Variants in BCAR3 observed in about 807,000 individuals in gnomAD.
BCAR3 encodes the protein breast cancer anti-estrogen resistance protein 3.
BCAR3 carries 37 observed loss-of-function variants against 80.1 expected under a neutral mutation model. The observed-to-expected ratio is 0.46, with a 90% CI of 0.36 to 0.61. The LOEUF is 0.61. Among genes scored for constraint, BCAR3 ranks in the 20% least tolerant of loss-of-function variants. The probability of loss-of-function intolerance (pLI) is 0.00; values close to 1 mark genes in which losing one functional copy is unlikely to be tolerated. For synonymous variants in BCAR3, 389 were observed against 418.9 expected (o/e 0.93, Z 0.87); for missense variants, 978 against 1,068.2 (o/e 0.92, Z 1.18).
intron 2 of BCAR3, among the ~76,000 whole-genome samples, chr1:93,804,343 TA>T (rs1388539890): frequency 6.6e-6 from 1 of 152,202 alleles, no homozygotes; most frequent in Non-Finnish European, 1.5e-5. Flanking sequence ...ATACCTATGA[TA>T]AAGTTTAATT....
chr1:93,599,571 A>G (rs1674553607), intron 3 of BCAR3: 1 of 120,810 alleles, frequency 8.3e-6, no homozygotes, highest in African/African-American at 6.1e-5. Flanking sequence ...AGATACTTTT[A>G]GAGAGATCTG....
intron 2 of BCAR3, among the ~76,000 whole-genome samples, chr1:93,744,665 G>A (rs1028163178): frequency 2.6e-5 from 4 of 152,118 alleles, no homozygotes; most frequent in Non-Finnish European, 5.9e-5. Flanking sequence ...CTGTACTGTC[G>A]ATCATAAAGG....
rs1648400620 is a variant in BCAR3, at chr1:93,674,897, T to A, written c.34A>T (p.Asn12Tyr). ...GGGAACTGGTGATTCACCGGCATGT[T>A]TCTGGGAAGGCTTGCAAATTTTCCT... Reference protein sequence around the residue: ...AAGKFASLPRNMPVNHQFPLA... With the variant: ...AAGKFASLPRYMPVNHQFPLA... The change falls in exon 2 of 12, where the codon AAC (asparagine) becomes TAC (tyrosine). Residue 12 changes from asparagine to tyrosine, a missense_variant. Asn to Tyr is a moderately radical substitution (Grantham distance 143). Coordinates refer to ENST00000260502, the MANE Select transcript of BCAR3 (RefSeq NM_003567.4). 1.9e-6 allele frequency: 3 copies of A among 1,566,074 alleles called. No homozygotes were observed. Among genetic ancestry groups the A allele is most frequent in the Non-Finnish European group, 1.7e-6 (2 of 1,163,380 alleles).
chr1:93,604,078 T>C (rs1023771788), intron 3 of BCAR3, among the ~76,000 whole-genome samples: 2 of 152,264 alleles, frequency 1.3e-5, no homozygotes, highest in African/African-American at 2.4e-5. Flanking sequence ...TGGGTTTTGA[T>C]GCCATTTTTC....
At chr1:93,811,265 G>C (rs1318558894) in intron 2 of BCAR3, among the ~76,000 whole-genome samples, 2 of 152,170 alleles carry the variant, frequency 1.3e-5, no homozygotes, top group Non-Finnish European at 2.9e-5. Flanking sequence ...GTTTCTATGG[G>C]ACAGATACAG....
At chr1:93,711,483 G>A (rs1369886442) in intron 2 of BCAR3, among the ~76,000 whole-genome samples, 1 of 152,160 alleles carries the variant, frequency 6.6e-6, no homozygotes, top group Non-Finnish European at 1.5e-5. Context: ...GGCCTCTTAA[G>A]GGCAAGATTT....
At chr1:93,717,421 G>A (rs747054838) in intron 2 of BCAR3, among the ~76,000 whole-genome samples, 10 of 152,212 alleles carry the variant, frequency 6.6e-5, no homozygotes, top group African/African-American at 9.7e-5. Flanking sequence ...GGGCTACATG[G>A]AAGTAAGAAT....
At chr1:93,627,913 C>T (rs1288884905) in intron 3 of BCAR3, among the ~76,000 whole-genome samples, 1 of 151,948 alleles carries the variant, frequency 6.6e-6, no homozygotes, top group Non-Finnish European at 1.5e-5. Context: ...ATGGAGTAGA[C>T]TAAGGGATAT....
chr1:93,839,122 C>T (rs1259726115), intron 2 of BCAR3, among the ~76,000 whole-genome samples: 1 of 152,096 alleles, frequency 6.6e-6, no homozygotes, highest in East Asian at 1.9e-4. Flanking sequence ...GGTGAAACCC[C>T]ATCTCTACTA....
At chr1:93,746,677 C>T (rs1395883275) in intron 2 of BCAR3, among the ~76,000 whole-genome samples, 2 of 152,160 alleles carry the variant, frequency 1.3e-5, no homozygotes, top group African/African-American at 4.8e-5. Context: ...CTGAGCCACT[C>T]CTTAGTTTCG....
intron 3 of BCAR3, among the ~76,000 whole-genome samples, chr1:93,604,750 C>A (rs1674725000): frequency 6.6e-6 from 1 of 151,958 alleles, no homozygotes; most frequent in Admixed American, 6.6e-5. Context: ...AAAATTATTT[C>A]TCACTGATTT....
intron 3 of BCAR3, among the ~76,000 whole-genome samples, chr1:93,698,931 A>G (rs1649530916): frequency 6.6e-6 from 1 of 152,230 alleles, no homozygotes; most frequent in African/African-American, 2.4e-5. Flanking sequence ...ACAGCACACA[A>G]CACAAGGGAA....
chr1:93,773,016 C>T (rs1349227799), intron 2 of BCAR3, among the ~76,000 whole-genome samples: 2 of 152,148 alleles, frequency 1.3e-5, no homozygotes, highest in Admixed American at 6.6e-5. Context: ...ACTCCTAAAC[C>T]AGGCACCCTG....
At chr1:93,837,220 A>G (rs1157217510) in intron 2 of BCAR3, among the ~76,000 whole-genome samples, 2 of 152,214 alleles carry the variant, frequency 1.3e-5, no homozygotes, top group African/African-American at 4.8e-5. Context: ...CTGTCTCAAA[A>G]AAGTAAAAAA....
At chr1:93,614,345 T>C (rs78545914) in intron 3 of BCAR3, among the ~76,000 whole-genome samples, 6,473 of 152,180 alleles carry the variant, frequency 0.043, 456 homozygotes, top group African/African-American at 0.15. Context: ...AACTGTACCA[T>C]GCGACCTGCT....
At chr1:93,781,289 C>T (rs1652753208) in intron 2 of BCAR3, among the ~76,000 whole-genome samples, 1 of 152,130 alleles carries the variant, frequency 6.6e-6, no homozygotes, top group African/African-American at 2.4e-5. Flanking sequence ...TTTTTTCAAC[C>T]ATTTACAAAT....
At chr1:93,800,391 T>C (rs2100787829) in intron 2 of BCAR3, among the ~76,000 whole-genome samples, 1 of 152,186 alleles carries the variant, frequency 6.6e-6, no homozygotes, top group East Asian at 1.9e-4. Context: ...CTGGCCAACA[T>C]GGTGAAACCC....
intron 2 of BCAR3, among the ~76,000 whole-genome samples, chr1:93,746,457 G>T (rs1651361637): frequency 6.6e-6 from 1 of 152,146 alleles, no homozygotes; most frequent in South Asian, 2.1e-4. Context: ...GAGCTTCATG[G>T]GTAGTTTAGA....
chr1:93,674,978 T>C (rs550824316), intron 1 of BCAR3, 37 bp from the exon 2 acceptor site: 9 of 1,465,740 alleles, frequency 6.1e-6, no homozygotes, highest in Non-Finnish European at 8.2e-6. Context: ...TATAAATCTA[T>C]GAGAGTCACA....
Sources: allele counts gnomAD v4.1 joint callset (sites outside exome capture counted in the v4.1 genomes callset), GRCh38; gene constraint gnomAD v4.1.1; transcripts MANE v1.5; gene names NCBI Gene and HGNC (gene_info 2026-07-23, HGNC 2026-07-21).